Variants in SPAG16 observed in about 807,000 individuals in gnomAD.
SPAG16 encodes sperm associated antigen 16, also known as sperm-associated antigen 16 protein.
A neutral mutation model predicts 80.4 loss-of-function variants in SPAG16; 86 were observed. The ratio of observed to expected loss-of-function variants is 1.07; its 90% CI spans 0.90 to 1.28. The LOEUF (loss-of-function observed/expected upper bound fraction) is 1.28. Among genes scored for constraint, SPAG16 ranks in the 50% most tolerant of loss-of-function variants. SPAG16 has a pLI of 0.00. For synonymous variants in SPAG16, 294 were observed against 265.9 expected, an observed-to-expected ratio of 1.11 and a Z score of -1.03; for missense variants, 870 against 765.3, an observed-to-expected ratio of 1.14 and a Z score of -1.61.
chr2:214,118,566 G>A (rs2054057308), intron 14 of SPAG16, among the ~76,000 whole-genome samples: 1 of 152,122 alleles, frequency 6.6e-6, no homozygotes, highest in Non-Finnish European at 1.5e-5. Flanking sequence ...CATGGTGGCG[G>A]CAGAAGTGCT....
chr2:214,369,833 A>G (rs1351508999), intron 15 of SPAG16, among the ~76,000 whole-genome samples: 1 of 152,090 alleles, frequency 6.6e-6, no homozygotes, highest in Non-Finnish European at 1.5e-5. Context: ...CTCTGCTAAG[A>G]TGATATTCTA....
At position 213,904,848 on chromosome 2, in the gene SPAG16, G is replaced by A. The variant is rs371253964; in HGVS notation, c.1215-25112G>A. ...GAGAAGAAGTCAGAGTGGTAACTCG[G>A]TGGGTGGTAGGCAGATTGGGCAGTG... On this transcript the variant is annotated intron_variant, in intron 11 of 15. Coordinates refer to ENST00000331683, the MANE Select transcript of SPAG16 (RefSeq NM_024532.5). Among the ~76,000 whole-genome samples, 83 of 152,248 alleles carry A rather than the reference G, an allele frequency of 5.5e-4. 1 individual carries two copies. In the South Asian group the frequency reaches 0.017, roughly 31 times the overall value.
intron 5 of SPAG16, among the ~76,000 whole-genome samples, chr2:213,338,320 A>G (rs1282360343): frequency 2.0e-5 from 3 of 152,192 alleles, no homozygotes; most frequent in Non-Finnish European, 4.4e-5. Flanking sequence ...AGTCTACAAA[A>G]TAACCAGCTA....
chr2:213,718,233 G>A (rs147682440), intron 10 of SPAG16, among the ~76,000 whole-genome samples: 58 of 151,464 alleles, frequency 3.8e-4, no homozygotes, highest in African/African-American at 1.1e-3. Flanking sequence ...ACATTTATGT[G>A]GCCAATAAAC....
At chr2:213,979,602 T>C (rs2045593434) in intron 12 of SPAG16, among the ~76,000 whole-genome samples, 1 of 152,070 alleles carries the variant, frequency 6.6e-6, no homozygotes, top group Admixed American at 6.6e-5. Context: ...TTGTGAAAAC[T>C]CACTATCATG....
chr2:213,382,408 A>G (rs1311361559), intron 9 of SPAG16, among the ~76,000 whole-genome samples: 1 of 152,182 alleles, frequency 6.6e-6, no homozygotes, highest in Non-Finnish European at 1.5e-5. Context: ...GTTATCAACA[A>G]GGTGAACATG....
At chr2:213,994,726 A>T (rs1220068625) in intron 12 of SPAG16, among the ~76,000 whole-genome samples, 2 of 152,096 alleles carry the variant, frequency 1.3e-5, no homozygotes, top group Non-Finnish European at 2.9e-5. Flanking sequence ...TATTCTCCAT[A>T]TTACAGCTAT....
intron 9 of SPAG16, among the ~76,000 whole-genome samples, chr2:213,423,380 G>T (rs140506160): frequency 2.6e-5 from 4 of 152,146 alleles, no homozygotes; most frequent in Non-Finnish European, 5.9e-5. Context: ...AATAGGGTTA[G>T]GTTACCTTAA....
intron 11 of SPAG16, among the ~76,000 whole-genome samples, chr2:213,871,838 TCACACACA>T (rs1045988177): frequency 7.9e-5 from 8 of 101,878 alleles, no homozygotes; most frequent in African/African-American, 2.4e-4. Context: ...CTCAGGAAAT[TCACACACA>T]CACACACACA....
chr2:213,378,257 C>T (rs1322102454), intron 9 of SPAG16, among the ~76,000 whole-genome samples: 2 of 152,156 alleles, frequency 1.3e-5, no homozygotes, highest in Admixed American at 6.5e-5. Context: ...TCTCCTTTGG[C>T]AACACCTTCA....
chr2:213,500,670 G>T (rs1280931115), intron 10 of SPAG16, among the ~76,000 whole-genome samples: 1 of 152,198 alleles, frequency 6.6e-6, no homozygotes, highest in Non-Finnish European at 1.5e-5. Context: ...TAGAAGAAAA[G>T]GACAGAGAAC....
chr2:213,372,583 T>A (rs1248097220), intron 8 of SPAG16, among the ~76,000 whole-genome samples: 1 of 152,152 alleles, frequency 6.6e-6, no homozygotes, highest in African/African-American at 2.4e-5. Context: ...GTCTAATTAA[T>A]ACTTTTTTCA....
At chr2:213,814,936 G>A (rs1430212925) in intron 10 of SPAG16, among the ~76,000 whole-genome samples, 2 of 151,472 alleles carry the variant, frequency 1.3e-5, no homozygotes, top group African/African-American at 4.9e-5. Context: ...GAACTGAAAG[G>A]AGAAATCCAT....
chr2:214,103,176 G>A (rs759408347), intron 13 of SPAG16, among the ~76,000 whole-genome samples: 21 of 152,118 alleles, frequency 1.4e-4, no homozygotes, highest in Non-Finnish European at 2.5e-4. Context: ...TCTCCCTGGG[G>A]CCTGCATTCA....
chr2:214,328,224 T>G (rs1171259739), intron 15 of SPAG16, among the ~76,000 whole-genome samples: 1 of 151,994 alleles, frequency 6.6e-6, no homozygotes, highest in Non-Finnish European at 1.5e-5. Flanking sequence ...GGTGCGATCT[T>G]GGCTCACTGC....
At chr2:213,286,497 G>T (rs936212471) in intron 1 of SPAG16, among the ~76,000 whole-genome samples, 1 of 152,168 alleles carries the variant, frequency 6.6e-6, no homozygotes, top group African/African-American at 2.4e-5. Flanking sequence ...GTGTAATGTT[G>T]TTTGACATTG....
chr2:214,125,667 T>C (rs1026700623), intron 14 of SPAG16, among the ~76,000 whole-genome samples: 1 of 151,800 alleles, frequency 6.6e-6, no homozygotes, highest in Non-Finnish European at 1.5e-5. Flanking sequence ...AGATTTTGGA[T>C]ATTTTATCAA....
intron 15 of SPAG16, among the ~76,000 whole-genome samples, chr2:214,318,373 C>CT (rs34923875): frequency 0.38 from 26,689 of 69,906 alleles, 8,702 homozygotes; most frequent in South Asian, 0.56. Context: ...AGAGTGAATT[C>CT]TTTTTTTTTT....
intron 15 of SPAG16, among the ~76,000 whole-genome samples, chr2:214,174,540 T>A (rs188908203): frequency 1.3e-5 from 2 of 152,088 alleles, no homozygotes; most frequent in South Asian, 2.1e-4. Context: ...GAAGAGAAGT[T>A]ATTAATGTTG....
Sources: allele counts gnomAD v4.1 joint callset (sites outside exome capture counted in the v4.1 genomes callset), GRCh38; gene constraint gnomAD v4.1.1; transcripts MANE v1.5; gene names NCBI Gene and HGNC (gene_info 2026-07-23, HGNC 2026-07-21).